The following PHF14 variants were observed in gnomAD, a reference collection of about 807,000 sequenced individuals.
The protein encoded by PHF14 is PHD finger protein 14.
In PHF14, 55 loss-of-function variants were observed where a neutral mutation model predicts 117.9. That is an observed-to-expected ratio of 0.47 (90% confidence interval 0.38 to 0.58). PHF14 has a LOEUF of 0.58. PHF14 is among the 20% of genes least tolerant of loss of function. The pLI, the probability that PHF14 is intolerant of heterozygous loss-of-function variation, is 0.00. For synonymous variants in PHF14, 409 were observed against 368.6 expected (o/e 1.11, Z -1.26); for missense variants, 978 against 1,122.2 (o/e 0.87, Z 1.84).
chr7:10,986,513 A>G (rs916199463), intron 3 of PHF14, among the ~76,000 whole-genome samples: 4 of 152,220 alleles, frequency 2.6e-5, no homozygotes. Context: ...ACCTACTGAA[A>G]GAGAGTTCAC....
At chr7:11,055,238 T>C (rs6965290) in intron 14 of PHF14, among the ~76,000 whole-genome samples, 17,294 of 152,236 alleles carry the variant, frequency 0.11, 1,184 homozygotes, top group African/African-American at 0.2. Context: ...CATATCCCTT[T>C]TGAAGTTACT....
intron 16 of PHF14, 62 bp downstream of exon 16, chr7:11,062,147 A>C: frequency 7.0e-7 from 1 of 1,419,722 alleles, no homozygotes; most frequent in Non-Finnish European, 9.5e-7. Context: ...TTTTCTCATC[A>C]CAGAAAAAAT....
chr7:11,119,625 G>T (rs1316403575), intron 17 of PHF14, among the ~76,000 whole-genome samples: 2 of 151,832 alleles, frequency 1.3e-5, no homozygotes, highest in African/African-American at 4.8e-5. Flanking sequence ...ATGCATTGTA[G>T]ATGTAGATAT....
chr7:11,007,577 C>T (rs1783167530), intron 4 of PHF14, among the ~76,000 whole-genome samples: 2 of 152,076 alleles, frequency 1.3e-5, no homozygotes, highest in South Asian at 4.1e-4. Flanking sequence ...GACAGACTTC[C>T]ATATTGTAAT....
At chr7:11,082,794 G>T (rs1263781383) in intron 16 of PHF14, among the ~76,000 whole-genome samples, 1 of 152,096 alleles carries the variant, frequency 6.6e-6, no homozygotes, top group Non-Finnish European at 1.5e-5. Context: ...TAGAATTTTG[G>T]TTTCATTTTT....
intron 6 of PHF14, among the ~76,000 whole-genome samples, chr7:11,027,673 A>T (rs556238176): frequency 1.3e-5 from 2 of 152,128 alleles, no homozygotes; most frequent in African/African-American, 4.8e-5. Flanking sequence ...ATTACTACCA[A>T]TTTCACCTGA....
intron 1 of PHF14, 73 bp downstream of exon 1, chr7:10,974,397 G>C: frequency 7.8e-7 from 1 of 1,280,872 alleles, no homozygotes; most frequent in Middle Eastern, 1.8e-4. Flanking sequence ...GGTGGGAGCA[G>C]GGCAGGGGTG....
chr7:11,072,988 G>T (rs555694482), intron 16 of PHF14, among the ~76,000 whole-genome samples: 2 of 152,118 alleles, frequency 1.3e-5, no homozygotes, highest in Admixed American at 6.5e-5. Context: ...CTGCCCCTGT[G>T]GTCCAAACAC....
chr7:11,036,258 A>C (rs1784324096), intron 8 of PHF14, among the ~76,000 whole-genome samples, 160 bp from the exon 9 acceptor site: 1 of 152,236 alleles, frequency 6.6e-6, no homozygotes. Context: ...CTCAAAAATT[A>C]TACAGTATAC....
At chr7:11,103,199 T>C (rs1787148585) in intron 16 of PHF14, 4 of 965,616 alleles carry the variant, frequency 4.1e-6, no homozygotes, top group Non-Finnish European at 4.9e-6. Flanking sequence ...ATTAATATTA[T>C]TAGCATGAAA....
intron 13 of PHF14, among the ~76,000 whole-genome samples, chr7:11,049,254 C>T (rs1483789039): frequency 6.6e-6 from 1 of 152,000 alleles, no homozygotes; most frequent in Non-Finnish European, 1.5e-5. Context: ...GGGAGGATCA[C>T]CTGAGGTCAG....
At chr7:11,059,447 C>T (rs945230571) in intron 14 of PHF14, among the ~76,000 whole-genome samples, 41 of 152,148 alleles carry the variant, frequency 2.7e-4, no homozygotes, top group African/African-American at 9.9e-4. Context: ...ATATTTTCCA[C>T]TTGATATTGG....
chr7:10,995,358 C>T (rs746152669), intron 4 of PHF14, among the ~76,000 whole-genome samples: 18 of 151,494 alleles, frequency 1.2e-4, no homozygotes, highest in Non-Finnish European at 2.1e-4. Flanking sequence ...TTGCGCTAGA[C>T]ACAGAGTGCT....
In PHF14 at chr7:11,130,404, T is replaced by C. The variant is rs1788062557; in HGVS notation, c.2772+18937T>C. On this transcript the variant is annotated intron_variant, in intron 17 of 17. Coordinates refer to ENST00000634607, the MANE Select transcript of PHF14 (RefSeq NM_001007157.2). The surrounding 1 kb of genome is among the most constrained non-coding windows in gnomAD (Gnocchi z 4.2). ...TACAATTTATATGGGGGAAACTGCA[T>C]AATAGTGTGAAATGTAATGGTAGTA... 6.6e-6 allele frequency among the ~76,000 whole-genome samples: 1 copy of C among 152,024 alleles called. No homozygotes were observed.
At chr7:11,000,449 C>A (rs142286434) in intron 4 of PHF14, among the ~76,000 whole-genome samples, 1 of 147,666 alleles carries the variant, frequency 6.8e-6, no homozygotes, top group African/African-American at 2.5e-5. Context: ...CTGCGATTCT[C>A]GTGCCTCAGC....
At chr7:10,993,960 G>C (rs1260102598) in intron 4 of PHF14, among the ~76,000 whole-genome samples, 1 of 150,092 alleles carries the variant, frequency 6.7e-6, no homozygotes, top group Admixed American at 6.7e-5. Context: ...AGTGAGCCAA[G>C]ATTGCGCCAG....
chr7:11,166,747 G>C (rs1365390377), intron 17 of PHF14, among the ~76,000 whole-genome samples: 5 of 152,060 alleles, frequency 3.3e-5, no homozygotes, highest in African/African-American at 1.2e-4. Context: ...CCTTCTAAAA[G>C]GAAGAAAGAG....
Position 11,130,395 on chromosome 7 carries a change from GA to G in PHF14, c.2772+18931del, listed in dbSNP as rs1203003057. Among the ~76,000 whole-genome samples, 1 of 151,952 alleles carries G rather than the reference GA, an allele frequency of 6.6e-6. No individual in the cohort carries two copies. The highest frequency in any genetic ancestry group is 1.5e-5 in the Non-Finnish European group (1 of 67,936). On this transcript the variant is annotated intron_variant, in intron 17 of 17. Transcript: ENST00000634607. The surrounding 1 kb of genome is among the most constrained non-coding windows in gnomAD (Gnocchi z 4.2). ...GAACGTATATACAATTTATATGGGGGAAACTGCATAATAGTGTGAAATGTAA... is the reference window on the plus strand; with the variant it reads ...GAACGTATATACAATTTATATGGGGGAACTGCATAATAGTGTGAAATGTAA...
At chr7:11,008,777 T>G (rs1261402455) in intron 4 of PHF14, among the ~76,000 whole-genome samples, 8 of 152,166 alleles carry the variant, frequency 5.3e-5, no homozygotes, top group Non-Finnish European at 1.2e-4. Flanking sequence ...GGCTCACGCC[T>G]GTAATCCCAG....
Sources: gnomAD v4.1 joint callset for allele counts (sites outside exome capture counted in the v4.1 genomes callset) on GRCh38, gnomAD v4.1.1 for gene constraint, Gnocchi (gnomAD v3.1) non-coding constraint, MANE v1.5 for transcripts, NCBI Gene and HGNC (gene_info 2026-07-23, HGNC 2026-07-21) for gene names.